Variants in CNTNAP4 observed in about 807,000 individuals in gnomAD.
CNTNAP4 encodes the protein contactin associated protein family member 4, also known as contactin-associated protein-like 4.
CNTNAP4 carries 98 observed loss-of-function variants against 148.4 expected under a neutral mutation model. The observed-to-expected ratio is 0.66, with a 90% CI of 0.56 to 0.78. CNTNAP4 has a LOEUF of 0.78. CNTNAP4 is among the 30% of genes least tolerant of loss of function. The pLI, the probability that CNTNAP4 is intolerant of heterozygous loss-of-function variation, is 0.00. For synonymous variants in CNTNAP4, 730 were observed against 565.1 expected, an observed-to-expected ratio of 1.29 and a Z score of -4.14; for missense variants, 1,935 against 1,565.6, an observed-to-expected ratio of 1.24 and a Z score of -3.98.
At chr16:76,381,938 A>G (rs1290820226) in intron 3 of CNTNAP4, among the ~76,000 whole-genome samples, 4 of 151,952 alleles carry the variant, frequency 2.6e-5, no homozygotes, top group Admixed American at 1.3e-4. Flanking sequence ...GGGTGCCTGT[A>G]GTCCCAGCTA....
At chr16:76,355,553 T>C in intron 3 of CNTNAP4, 42 bp downstream of exon 3, 1 of 1,478,596 alleles carries the variant, frequency 6.8e-7, no homozygotes, top group Non-Finnish European at 9.1e-7. Flanking sequence ...GGGGAAAAAG[T>C]ATAATCAGTA....
chr16:76,315,527 C>T (rs927384691), intron 1 of CNTNAP4, among the ~76,000 whole-genome samples: 2 of 152,258 alleles, frequency 1.3e-5, no homozygotes, highest in East Asian at 1.9e-4. Flanking sequence ...AACTAGTATC[C>T]TTTTGTAGTC....
chr16:76,290,286 C>T (rs1250754953), intron 1 of CNTNAP4, among the ~76,000 whole-genome samples: 1 of 152,154 alleles, frequency 6.6e-6, no homozygotes, highest in Non-Finnish European at 1.5e-5. Context: ...CCATCTTCTC[C>T]CTGCATCTGT....
rs2144922107 is a variant in CNTNAP4, at chr16:76,411,900, A to T, written c.391-15552A>T. 1.3e-5 allele frequency among the ~76,000 whole-genome samples: 2 copies of T among 151,538 alleles called. 1 individual carries two copies. Among genetic ancestry groups the T allele is most frequent in the South Asian group, 4.1e-4 (2 of 4,826 alleles). On this transcript the variant is annotated intron_variant, in intron 3 of 23. Coordinates refer to ENST00000611870, the MANE Select transcript of CNTNAP4 (RefSeq NM_033401.5). ...CTATCAAAAAGTGAAAATGCTATGT[A>T]AATGTTACGTAGGCCAAACATATTA...
intron 2 of CNTNAP4, among the ~76,000 whole-genome samples, chr16:76,330,922 C>T (rs74026711): frequency 6.6e-6 from 1 of 152,100 alleles, no homozygotes; most frequent in Non-Finnish European, 1.5e-5. Context: ...TTTTTAAAAG[C>T]ATCTAAATAG....
At chr16:76,490,385 A>G (rs1481353858) in intron 13 of CNTNAP4, among the ~76,000 whole-genome samples, 1 of 152,332 alleles carries the variant, frequency 6.6e-6, no homozygotes, top group Non-Finnish European at 1.5e-5. Context: ...AGGAGGAATC[A>G]GAAAACCATC....
At chr16:76,345,894 T>G (rs1440816314) in intron 2 of CNTNAP4, among the ~76,000 whole-genome samples, 1 of 152,144 alleles carries the variant, frequency 6.6e-6, no homozygotes, top group Non-Finnish European at 1.5e-5. Flanking sequence ...GAGGGCAATG[T>G]TAAAGCTGTC....
At chr16:76,414,596 C>G (rs2078912753) in intron 3 of CNTNAP4, among the ~76,000 whole-genome samples, 1 of 151,132 alleles carries the variant, frequency 6.6e-6, no homozygotes, top group Non-Finnish European at 1.5e-5. Flanking sequence ...TTGTTTAATA[C>G]TGGTGTGATT....
In CNTNAP4 at chr16:76,510,192, T is replaced by A. The variant is rs182629775; in HGVS notation, c.2366-10948T>A. ...CCTAAGCAACCAGTAACCTGCTTTT[T>A]TTTTTCTACAGACTTGCATATTCTG... On this transcript the variant is annotated intron_variant, in intron 15 of 23. Transcript: ENST00000611870. Among the ~76,000 whole-genome samples the A allele has an allele frequency of 6.6e-3, 999 of 152,258 alleles. 11 individuals are homozygous for A. The highest frequency in any genetic ancestry group is 0.023 in the African/African-American group (941 of 41,546).
At position 76,489,854 on chromosome 16, in the gene CNTNAP4, G is replaced by A; in HGVS notation, c.2051G>A (p.Cys684Tyr). 6.3e-7 allele frequency: 1 copy of A among 1,575,246 alleles called. No homozygotes were observed. Among genetic ancestry groups the A allele is most frequent in the South Asian group, 1.2e-5 (1 of 85,484 alleles). ...TGTGAACAGGAGTTTACTTATTACT[G>A]CAAGAAGTCACGGCTGGTCAATAAG... is the stretch of plus-strand genomic sequence containing the variant. Reference protein sequence around the residue: ...EHCEQEFTYYCKKSRLVNKQD... With the variant: ...EHCEQEFTYYYKKSRLVNKQD... Residue 684 changes from cysteine to tyrosine, a missense_variant, in exon 13 of 24, where the codon TGC becomes TAC. Coordinates refer to ENST00000611870, the MANE Select transcript of CNTNAP4 (RefSeq NM_033401.5).
At chr16:76,384,200 T>C (rs1393692859) in intron 3 of CNTNAP4, among the ~76,000 whole-genome samples, 2 of 151,966 alleles carry the variant, frequency 1.3e-5, no homozygotes, top group African/African-American at 2.4e-5. Context: ...TGCACCACCA[T>C]GCCTGGCTAA....
intron 3 of CNTNAP4, among the ~76,000 whole-genome samples, chr16:76,372,941 G>A (rs1302419006): frequency 6.6e-6 from 1 of 152,134 alleles, no homozygotes; most frequent in Non-Finnish European, 1.5e-5. Context: ...TTGCTAATGT[G>A]GTTTCGAAGA....
intron 3 of CNTNAP4, among the ~76,000 whole-genome samples, chr16:76,364,206 C>G (rs1022837695): frequency 1.6e-5 from 2 of 121,306 alleles, no homozygotes; most frequent in African/African-American, 6.3e-5. Flanking sequence ...TGCATTCCAG[C>G]CTGGGCAACA....
At chr16:76,409,793 C>G (rs1436462025) in intron 3 of CNTNAP4, among the ~76,000 whole-genome samples, 1 of 151,822 alleles carries the variant, frequency 6.6e-6, no homozygotes. Flanking sequence ...CTTTTACTCT[C>G]TAGTGGGGTG....
At chr16:76,307,422 A>G (rs1960589192) in intron 1 of CNTNAP4, among the ~76,000 whole-genome samples, 1 of 150,760 alleles carries the variant, frequency 6.6e-6, no homozygotes, top group Non-Finnish European at 1.5e-5. Context: ...GAAAAAATGG[A>G]AATATGTTTC....
At chr16:76,388,895 T>A (rs2016729758) in intron 3 of CNTNAP4, among the ~76,000 whole-genome samples, 1 of 152,212 alleles carries the variant, frequency 6.6e-6, no homozygotes, top group African/African-American at 2.4e-5. Context: ...TTGTTCTTTG[T>A]GTGCTTTAAA....
intron 3 of CNTNAP4, among the ~76,000 whole-genome samples, chr16:76,358,015 G>A (rs190812090): frequency 3.5e-4 from 54 of 152,158 alleles, no homozygotes; most frequent in Non-Finnish European, 4.4e-4. Flanking sequence ...CCAAATTTCT[G>A]GAAGGTATCA....
At chr16:76,441,101 A>G (rs1049948821) in intron 4 of CNTNAP4, among the ~76,000 whole-genome samples, 1 of 152,154 alleles carries the variant, frequency 6.6e-6, no homozygotes, top group African/African-American at 2.4e-5. Flanking sequence ...TGCATGTCTT[A>G]GAAATCATTC....
intron 2 of CNTNAP4, among the ~76,000 whole-genome samples, chr16:76,326,247 G>T (rs1327520810): frequency 6.6e-6 from 1 of 152,160 alleles, no homozygotes; most frequent in African/African-American, 2.4e-5. Flanking sequence ...GCGTACATGT[G>T]TGAAGGGCCC....
Sources: gnomAD v4.1 joint callset for allele counts (sites outside exome capture counted in the v4.1 genomes callset) on GRCh38, gnomAD v4.1.1 for gene constraint, MANE v1.5 for transcripts, NCBI Gene and HGNC (gene_info 2026-07-23, HGNC 2026-07-21) for gene names.